Variants in GTF2IRD1 observed in about 807,000 individuals in gnomAD.
GTF2IRD1 encodes the protein GTF2I repeat domain containing 1, also known as general transcription factor II-I repeat domain-containing protein 1.
Under a neutral mutation model 113.2 loss-of-function variants are expected in GTF2IRD1, and 26 were observed. That is an observed-to-expected ratio of 0.23 (90% CI 0.17 to 0.32). The LOEUF is 0.32. Among genes scored for constraint, GTF2IRD1 ranks in the 10% least tolerant of loss-of-function variants. The pLI, the probability that GTF2IRD1 is intolerant of heterozygous loss-of-function variation, is 1.00. For synonymous variants in GTF2IRD1, 484 were observed against 529.1 expected, an observed-to-expected ratio of 0.91 and a Z score of 1.17; for missense variants, 864 against 1,280.8, an observed-to-expected ratio of 0.67 and a Z score of 4.97.
At chr7:74,578,673 TC>T (rs2130921937) in intron 22 of GTF2IRD1, among the ~76,000 whole-genome samples, 1 of 152,232 alleles carries the variant, frequency 6.6e-6, no homozygotes, top group African/African-American at 2.4e-5. Flanking sequence ...TTGGGCTGCT[TC>T]CATTGTTTTG....
intron 8 of GTF2IRD1, among the ~76,000 whole-genome samples, chr7:74,527,338 A>C (rs1797663523): frequency 6.6e-6 from 1 of 152,176 alleles, no homozygotes; most frequent in African/African-American, 2.4e-5. Context: ...AAAATAAAAA[A>C]GTAAATAGCT....
intron 2 of GTF2IRD1, among the ~76,000 whole-genome samples, chr7:74,509,030 TC>T (rs1271527117): frequency 1.3e-5 from 2 of 151,938 alleles, no homozygotes; most frequent in Non-Finnish European, 2.9e-5. Flanking sequence ...TCTAGCCTTT[TC>T]CTGGGGGGAA....
At chr7:74,476,678 T>A (rs1554333608) in intron 1 of GTF2IRD1, among the ~76,000 whole-genome samples, 4 of 152,114 alleles carry the variant, frequency 2.6e-5, no homozygotes. Context: ...TTGCCCAAGC[T>A]GACCTTGGCC....
chr7:74,470,241 T>A (rs1364696567), intron 1 of GTF2IRD1, among the ~76,000 whole-genome samples: 1 of 152,180 alleles, frequency 6.6e-6, no homozygotes, highest in Non-Finnish European at 1.5e-5. Context: ...CACTTCAGCC[T>A]CTCAAAGTGC....
At chr7:74,594,192 C>A (rs1412684816) in intron 24 of GTF2IRD1, among the ~76,000 whole-genome samples, 2 of 150,332 alleles carry the variant, frequency 1.3e-5, no homozygotes, top group African/African-American at 4.9e-5. Flanking sequence ...GAGCAAGACT[C>A]CGTCTCAAAA....
At chr7:74,552,166 C>A (rs1554355216) in intron 17 of GTF2IRD1, among the ~76,000 whole-genome samples, 1 of 152,040 alleles carries the variant, frequency 6.6e-6, no homozygotes, top group African/African-American at 2.4e-5. Flanking sequence ...AGGAGGATTG[C>A]TTGAGCTCAG....
At chr7:74,457,522 A>C (rs1793065671) in intron 1 of GTF2IRD1, among the ~76,000 whole-genome samples, 1 of 151,962 alleles carries the variant, frequency 6.6e-6, no homozygotes, top group African/African-American at 2.4e-5. Flanking sequence ...CAAGTTCCCC[A>C]CCCTGGTAGG....
rs1798284511 is a variant in GTF2IRD1, at chr7:74,536,163, A to G, written c.1301-4A>G. 1 of 1,601,892 alleles carries G rather than the reference A, an allele frequency of 6.2e-7. No individual in the cohort carries two copies. The highest frequency in any genetic ancestry group is 1.3e-5 in the African/African-American group (1 of 74,798). On this transcript the variant is annotated splice_polypyrimidine_tract_variant and splice_region_variant and intron_variant, in intron 10 of 26. Transcript: ENST00000424337. The stretch of plus-strand genomic sequence containing the variant: ...CACCCTGACCTCCCTGACTCTCCCC[A>G]CAGGGAACAAGTTTACCAAAGACAC...
chr7:74,550,552 A>C (rs1583862256), intron 17 of GTF2IRD1, among the ~76,000 whole-genome samples: 1 of 151,546 alleles, frequency 6.6e-6, no homozygotes, highest in Non-Finnish European at 1.5e-5. Flanking sequence ...GCACCACTGC[A>C]CTCTAGCCTG....
rs142871722 is a variant in GTF2IRD1, at chr7:74,510,741, A to C, written c.124-2089A>C. Among the ~76,000 whole-genome samples, 1,430 of 152,180 alleles carry C rather than the reference A, an allele frequency of 9.4e-3. 17 individuals are homozygous for C. Among genetic ancestry groups the C allele is most frequent in the African/African-American group, 0.033 (1,367 of 41,508 alleles). ...GACAGTGCAGAGGTAGAATGTTTTC[A>C]TAGTCATAGAAAGTTACACTGGGTT... On this transcript the variant is annotated intron_variant, in intron 2 of 26. Coordinates refer to ENST00000424337, the MANE Select transcript of GTF2IRD1 (RefSeq NM_005685.4).
rs371997506 is a variant in GTF2IRD1 at position 74,547,128 on chromosome 7, C to G, written c.1758C>G (p.Pro586=). The G allele has an allele frequency of 6.2e-7, 1 of 1,613,008 alleles. No individual in the cohort carries two copies. The highest frequency in any genetic ancestry group is 1.7e-5 in the Admixed American group (1 of 59,968). ...CCAAGGCCATTGGCATCTCGGAGCC[C>G]GTCAAGGTGCCGTACTCCAAGTTTC... ...RYAKAIGISE[P]VKVPYSKFLM... Residue 586 remains proline, a synonymous_variant, in exon 17 of 27, where the codon CCC becomes CCG. Transcript: ENST00000424337.
intron 2 of GTF2IRD1, among the ~76,000 whole-genome samples, chr7:74,511,003 C>T (rs1796600064): frequency 6.6e-6 from 1 of 150,618 alleles, no homozygotes; most frequent in African/African-American, 2.4e-5. Context: ...GAGCCGAGGT[C>T]GTGCCACTGC....
intron 1 of GTF2IRD1, among the ~76,000 whole-genome samples, chr7:74,492,170 A>AT (rs782415786): frequency 0.018 from 2,413 of 135,754 alleles, 47 homozygotes; most frequent in African/African-American, 0.046. Context: ...TTCCCGGCTA[A>AT]TTTTTTTTTT....
intron 22 of GTF2IRD1, among the ~76,000 whole-genome samples, chr7:74,562,210 G>T (rs587766551): frequency 6.6e-6 from 1 of 152,372 alleles, no homozygotes; most frequent in African/African-American, 2.4e-5. Flanking sequence ...GTGAATCGGA[G>T]TGGAAGCTGG....
At chr7:74,476,020 G>A (rs1794382590) in intron 1 of GTF2IRD1, among the ~76,000 whole-genome samples, 2 of 152,214 alleles carry the variant, frequency 1.3e-5, no homozygotes, top group Admixed American at 1.3e-4. Flanking sequence ...GGTGGCAGGT[G>A]TGGTCCAGGT....
chr7:74,504,329 G>A (rs935443710), intron 1 of GTF2IRD1, among the ~76,000 whole-genome samples: 45 of 152,188 alleles, frequency 3.0e-4, no homozygotes, highest in African/African-American at 1.0e-3. Flanking sequence ...TGAGAGAGGC[G>A]TCTGGGCTCC....
Position 74,521,313 on chromosome 7 carries a change from C to G in GTF2IRD1, c.1006+16C>G. The G allele has an allele frequency of 6.7e-7, 1 of 1,490,484 alleles. No homozygotes were observed. The highest frequency in any genetic ancestry group is 1.1e-5 in the South Asian group (1 of 88,646). The allele number at this position is 1,490,484 out of a possible 1,614,324, so 92.3% of individuals were successfully genotyped here. On this transcript the variant is annotated intron_variant, in intron 7 of 26. Transcript: ENST00000424337. ...GACAAGTCAGGTAGGACAGCGCCCA[C>G]GAAGCACCCCGGCCTGAGTGGGAAT...
At chr7:74,527,719 G>A (rs948207479) in intron 8 of GTF2IRD1, among the ~76,000 whole-genome samples, 10 of 152,160 alleles carry the variant, frequency 6.6e-5, no homozygotes, top group East Asian at 3.9e-4. Flanking sequence ...GCACACGCCT[G>A]TAATCCCAGC....
chr7:74,543,511 G>T (rs1405640050), intron 14 of GTF2IRD1, among the ~76,000 whole-genome samples: 1 of 152,132 alleles, frequency 6.6e-6, no homozygotes, highest in Non-Finnish European at 1.5e-5. Context: ...AAAATTCTGA[G>T]ATGTCCAGGA....
Sources: gnomAD v4.1 joint callset for allele counts (sites outside exome capture counted in the v4.1 genomes callset) on GRCh38, gnomAD v4.1.1 for gene constraint, MANE v1.5 for transcripts, NCBI Gene and HGNC (gene_info 2026-07-23, HGNC 2026-07-21) for gene names.